Variants in INO80 observed in about 807,000 individuals in gnomAD.
INO80 encodes INO80 complex ATPase subunit, also known as chromatin-remodeling ATPase INO80.
A neutral mutation model predicts 203.4 loss-of-function variants in INO80; 20 were observed. The observed-to-expected ratio is 0.10, with a 90% CI of 0.07 to 0.14. The LOEUF is 0.14. Ranked by LOEUF, INO80 falls within the 10% of genes least tolerant of loss-of-function variation. INO80 has a pLI of 1.00. For missense variants in INO80, 1,419 were observed against 1,914.4 expected (o/e 0.74, Z 4.83); for synonymous variants, 726 against 685.2 (o/e 1.06, Z -0.93).
At chr15:41,006,570 C>T (rs1284198446) in intron 27 of INO80, among the ~76,000 whole-genome samples, 2 of 152,182 alleles carry the variant, frequency 1.3e-5, no homozygotes, top group Non-Finnish European at 2.9e-5. Context: ...TGTTCTTATA[C>T]TGCAATATTT....
At chr15:41,064,448 T>C (rs147434522) in intron 14 of INO80, among the ~76,000 whole-genome samples, 21 of 152,332 alleles carry the variant, frequency 1.4e-4, no homozygotes, top group African/African-American at 4.8e-4. Context: ...GGTGTGATCA[T>C]AGCTCACTGT....
chr15:41,069,035 G>A (rs576558988), intron 14 of INO80, among the ~76,000 whole-genome samples: 14 of 152,270 alleles, frequency 9.2e-5, no homozygotes, highest in Admixed American at 2.6e-4. Flanking sequence ...GTTTGACCAC[G>A]AGTATCCATT....
chr15:40,983,077 C>T lies in INO80; in HGVS notation c.4238G>A (p.Gly1413Glu). The change falls in exon 35 of 36, where the codon GGA becomes GAA. Residue 1413 changes from glycine (G) to glutamate (E), a missense_variant and splice_region_variant. Physicochemically the swap from Gly to Glu is moderately conservative, Grantham distance 98. Transcript: ENST00000648947. The stretch of plus-strand genomic sequence containing the variant: ...AGCTGGCATTTCCTGAATGGAAATT[C>T]CTGTGGGAACAAATGGGCCAAAAGG... ...ITGSVSDTVN[G>E]ISIQEMPAAG... 6.2e-7 allele frequency: 1 copy of T among 1,611,852 alleles called. No individual in the cohort carries two copies.
At chr15:41,055,479 T>C (rs1454814999) in intron 17 of INO80, 115 bp from the exon 18 acceptor site, 4 of 449,242 alleles carry the variant, frequency 8.9e-6, no homozygotes, top group South Asian at 5.0e-5. Context: ...TAGATGCATG[T>C]GTATGTGTGA....
At chr15:41,084,098 G>A (rs1265470041) in intron 7 of INO80, among the ~76,000 whole-genome samples, 1 of 151,502 alleles carries the variant, frequency 6.6e-6, no homozygotes, top group Non-Finnish European at 1.5e-5. Context: ...GTTCCTATCA[G>A]GATTGCACTC....
At chr15:41,114,365 T>C (rs1268219018) in intron 1 of INO80, among the ~76,000 whole-genome samples, 2 of 151,926 alleles carry the variant, frequency 1.3e-5, no homozygotes, top group African/African-American at 2.4e-5. Flanking sequence ...AGGAGGAGCT[T>C]GGAAATTTCA....
intron 25 of INO80, among the ~76,000 whole-genome samples, chr15:41,023,730 C>G (rs2044329816): frequency 8.3e-6 from 1 of 121,094 alleles, no homozygotes; most frequent in Non-Finnish European, 1.6e-5. Flanking sequence ...GATTGCACCA[C>G]TGCACTCCAG....
At chr15:41,040,108 C>T (rs1437787362) in intron 24 of INO80, among the ~76,000 whole-genome samples, 1 of 151,856 alleles carries the variant, frequency 6.6e-6, no homozygotes, top group African/African-American at 2.4e-5. Context: ...CTTTGGGAGA[C>T]CAAGGTGGGA....
intron 19 of INO80, 57 bp downstream of exon 19, chr15:41,053,872 T>A: frequency 7.6e-7 from 1 of 1,309,316 alleles, no homozygotes; most frequent in Non-Finnish European, 1.1e-6. Context: ...TTTCTCCCCC[T>A]GGAATCTTAA....
At chr15:41,105,973 C>T (rs1051731234) in intron 1 of INO80, among the ~76,000 whole-genome samples, 9 of 152,040 alleles carry the variant, frequency 5.9e-5, no homozygotes, top group African/African-American at 9.7e-5. Context: ...AACTAAGATC[C>T]GGGGCCAGGT....
In INO80 at chr15:41,049,932, T is replaced by C; in HGVS notation, c.2442+3A>G. 1.9e-6 allele frequency: 3 copies of C among 1,608,164 alleles called. No homozygotes were observed. The highest frequency in any genetic ancestry group is 2.6e-6 in the Non-Finnish European group (3 of 1,176,208). On this transcript the variant is annotated splice_donor_region_variant and intron_variant, in intron 20 of 35. Coordinates refer to ENST00000648947, the MANE Select transcript of INO80 (RefSeq NM_017553.3). ...CTTCAAGGGAACTGACGTAAGCTCTTACCTTCCTAAACTGCATGACCAGAT... is the reference window on the plus strand; with the variant it reads ...CTTCAAGGGAACTGACGTAAGCTCTCACCTTCCTAAACTGCATGACCAGAT...
chr15:40,987,711 G>T (rs2043759538), intron 30 of INO80, 105 bp downstream of exon 30: 1 of 1,104,686 alleles, frequency 9.1e-7, no homozygotes, highest in Non-Finnish European at 1.3e-6. Context: ...GTTTCGTCAG[G>T]ACCAATGAAA....
intron 23 of INO80, among the ~76,000 whole-genome samples, chr15:41,046,273 G>A (rs1318800232): frequency 5.9e-5 from 7 of 118,408 alleles, no homozygotes; most frequent in South Asian, 2.9e-4. Context: ...TCTGTTGCCC[G>A]GGCTGGGGTA....
intron 34 of INO80, among the ~76,000 whole-genome samples, 170 bp downstream of exon 34, chr15:40,983,592 A>G (rs1463568091): frequency 6.6e-6 from 1 of 152,224 alleles, no homozygotes; most frequent in Non-Finnish European, 1.5e-5. Context: ...TTAAATCTTT[A>G]TAAAGTTACT....
At chr15:40,996,047 G>T (rs1186180474) in intron 29 of INO80, among the ~76,000 whole-genome samples, 1 of 152,094 alleles carries the variant, frequency 6.6e-6, no homozygotes, top group East Asian at 1.9e-4. Context: ...GAGAGAGAGA[G>T]AGAGAGAGAT....
intron 1 of INO80, among the ~76,000 whole-genome samples, chr15:41,102,749 C>G (rs1330812681): frequency 6.6e-6 from 1 of 152,136 alleles, no homozygotes; most frequent in Admixed American, 6.6e-5. Flanking sequence ...GAACCATGCT[C>G]TCTGATAACC....
At chr15:41,043,584 C>A (rs917350206) in intron 24 of INO80, among the ~76,000 whole-genome samples, 28 of 152,312 alleles carry the variant, frequency 1.8e-4, no homozygotes, top group African/African-American at 6.7e-4. Flanking sequence ...GGGGCAAATA[C>A]TGAATGAGCT....
At chr15:41,086,519 C>T (rs764825766) in intron 6 of INO80, among the ~76,000 whole-genome samples, 2 of 151,916 alleles carry the variant, frequency 1.3e-5, no homozygotes, top group African/African-American at 2.4e-5. Context: ...GGTATAGTGG[C>T]GTGCACCTTT....
chr15:41,101,271 C>T (rs2045803836), intron 1 of INO80, among the ~76,000 whole-genome samples: 1 of 152,172 alleles, frequency 6.6e-6, no homozygotes, highest in Non-Finnish European at 1.5e-5. Context: ...ACTGCATGGC[C>T]ATCAACCTGA....
Sources: gnomAD v4.1 joint callset for allele counts (sites outside exome capture counted in the v4.1 genomes callset) on GRCh38, gnomAD v4.1.1 for gene constraint, MANE v1.5 for transcripts, NCBI Gene and HGNC (gene_info 2026-07-23, HGNC 2026-07-21) for gene names.